Variants in DCST2 observed in about 807,000 individuals in gnomAD.
DCST2 encodes the protein DC-STAMP domain-containing protein 2.
DCST2 carries 64 observed loss-of-function variants against 81.8 expected under a neutral mutation model. The ratio of observed to expected loss-of-function variants is 0.78; its 90% CI spans 0.64 to 0.96. The LOEUF (loss-of-function observed/expected upper bound fraction) is 0.96. Ranked by LOEUF, DCST2 falls within the 40% of genes least tolerant of loss-of-function variation. DCST2 has a pLI of 0.00. For synonymous variants in DCST2, 354 were observed against 402.6 expected, an observed-to-expected ratio of 0.88 and a Z score of 1.44; for missense variants, 945 against 1,001.4, an observed-to-expected ratio of 0.94 and a Z score of 0.76.
In DCST2 at chr1:155,031,169, G is replaced by C; in HGVS notation, c.805C>G (p.Pro269Ala). 1.3e-6 allele frequency: 2 copies of C among 1,589,090 alleles called. No individual in the cohort carries two copies. The highest frequency in any genetic ancestry group is 1.7e-6 in the Non-Finnish European group (2 of 1,171,064). ...QPFLRQTIGT[P>A]VIQLLNRVRQ... is the part of the protein sequence containing the mutation. Reference sequence around the variant, plus strand: ...TATGTGGCAGGAGGGGGTCACTCACGGGTGCCGATGGTCTGGCGCAAGAAG... The same window carrying C: ...TATGTGGCAGGAGGGGGTCACTCACCGGTGCCGATGGTCTGGCGCAAGAAG... The change falls in exon 5 of 15, where the codon CCC (proline) becomes GCC (alanine). Residue 269 changes from proline to alanine, a missense_variant and splice_region_variant. Coordinates refer to ENST00000368424, the MANE Select transcript of DCST2 (RefSeq NM_144622.3).
At chr1:155,024,963 A>T (rs1390372035) in intron 10 of DCST2, among the ~76,000 whole-genome samples, 2 of 152,126 alleles carry the variant, frequency 1.3e-5, no homozygotes, top group Non-Finnish European at 2.9e-5. Flanking sequence ...AGCCTGACCA[A>T]CATGGAGAAA....
rs757330731 is a variant in DCST2, at chr1:155,033,723, G to T, written c.-22C>A. The T allele has an allele frequency of 1.2e-6, 2 of 1,605,904 alleles. No homozygotes were observed. Among genetic ancestry groups the T allele is most frequent in the South Asian group, 2.2e-5 (2 of 90,470 alleles). ...GCATGGCTGCTGAGACCAAATGTCTGCCTGTCTCCAGGAGATGCCCGCTGA... is the reference window on the plus strand; with the variant it reads ...GCATGGCTGCTGAGACCAAATGTCTTCCTGTCTCCAGGAGATGCCCGCTGA... On this transcript the variant is annotated 5_prime_UTR_variant, in exon 1 of 15. Transcript: ENST00000368424.
Position 155,026,603 on chromosome 1 carries a change from G to C in DCST2, c.1455C>G (p.Ser485=). 1 of 1,614,200 alleles carries C rather than the reference G, an allele frequency of 6.2e-7. No homozygotes were observed. Among genetic ancestry groups the C allele is most frequent in the Non-Finnish European group, 8.5e-7 (1 of 1,180,048 alleles). ...VLQQGNISIL[S]RRCLLRPSEP... ...CCGAGGGACGAAGGAGACAACGCCG[G>C]GACAAAATACTGATGTTGCCTTGCT... is the stretch of plus-strand genomic sequence containing the variant. The change falls in exon 9 of 15, where the codon TCC becomes TCG. Residue 485 remains serine (S), a synonymous_variant. Coordinates refer to ENST00000368424, the MANE Select transcript of DCST2 (RefSeq NM_144622.3).
chr1:155,026,284 C>T lies in DCST2; in HGVS notation c.1611+18G>A, dbSNP rs962525991. 3.1e-6 allele frequency: 5 copies of T among 1,612,998 alleles called. No individual in the cohort carries two copies. Among genetic ancestry groups the T allele is most frequent in the Admixed American group, 3.3e-5 (2 of 59,972 alleles). On this transcript the variant is annotated intron_variant, in intron 10 of 14. Coordinates refer to ENST00000368424, the MANE Select transcript of DCST2 (RefSeq NM_144622.3). ...TGGGGAGGGGGCAGGGACTAGCTCC[C>T]AGCCCCGGACCCCTCACCTGCTCCC... is the stretch of plus-strand genomic sequence containing the variant.
chr1:155,030,121 C>T lies in DCST2; in HGVS notation c.1140G>A (p.Pro380=), dbSNP rs768350916. 6.2e-6 allele frequency: 10 copies of T among 1,613,868 alleles called. No individual in the cohort carries two copies. Among genetic ancestry groups the T allele is most frequent in the South Asian group, 2.2e-5 (2 of 91,078 alleles). ...RSTAGLPTVL[P]LSAHEARRYI... The stretch of plus-strand genomic sequence containing the variant: ...AGCGCCTGGCCTCGTGAGCACTGAG[C>T]GGTAGCACTGTGGGCAGCCCTGCCG... Residue 380 remains proline (P), a synonymous_variant, in exon 7 of 15, where the codon CCG becomes CCA. Coordinates refer to ENST00000368424, the MANE Select transcript of DCST2 (RefSeq NM_144622.3).
intron 14 of DCST2, among the ~76,000 whole-genome samples, chr1:155,022,892 C>A (rs986858232): frequency 3.9e-5 from 6 of 152,172 alleles, no homozygotes; most frequent in Non-Finnish European, 8.8e-5. Flanking sequence ...TGCTGTCCAC[C>A]CTGTTATCTA....
At position 155,030,635 on chromosome 1, in the gene DCST2, C is replaced by T. The variant is rs375004161; in HGVS notation, c.816G>A (p.Gln272=). ...ACTCCTGACGCACCCGGTTGAGCAA[C>T]TGAATCACGGCTGGGGCCAGCAGGT... ...LRQTIGTPVI[Q]LLNRVRQEFE... is the part of the protein sequence containing the mutation. Residue 272 remains glutamine (Q), a synonymous_variant, in exon 6 of 15, where the codon CAG becomes CAA. Transcript: ENST00000368424. 3.6e-4 allele frequency: 577 copies of T among 1,613,918 alleles called. No individual in the cohort carries two copies. The highest frequency in any genetic ancestry group is 4.6e-4 in the Non-Finnish European group (545 of 1,180,008).
chr1:155,018,843 T>C, intron 14 of DCST2, 83 bp from the exon 15 acceptor site: 1 of 1,372,726 alleles, frequency 7.3e-7, no homozygotes, highest in Non-Finnish European at 1.0e-6. Context: ...CTGCCCCATC[T>C]GTTCAGATCC....
In DCST2 at chr1:155,018,535, A is replaced by G; in HGVS notation, c.*9T>C. 6.2e-7 allele frequency: 1 copy of G among 1,607,240 alleles called. No homozygotes were observed. Among genetic ancestry groups the G allele is most frequent in the Non-Finnish European group, 8.5e-7 (1 of 1,174,810 alleles). On this transcript the variant is annotated 3_prime_UTR_variant, in exon 15 of 15. Coordinates refer to ENST00000368424, the MANE Select transcript of DCST2 (RefSeq NM_144622.3). ...TAATTTAAGATTCACACTTGTGTCC[A>G]CTTTTGGTTTATTTGGGGGGTGGGT... is the stretch of plus-strand genomic sequence containing the variant.
intron 10 of DCST2, 29 bp downstream of exon 10, chr1:155,026,273 G>A (rs1330773417): frequency 1.9e-6 from 3 of 1,611,052 alleles, no homozygotes; most frequent in South Asian, 2.2e-5. Context: ...GAGGGGGCAG[G>A]GACTAGCTCC....
chr1:155,026,210 A>C, intron 10 of DCST2, 92 bp downstream of exon 10: 1 of 1,209,198 alleles, frequency 8.3e-7, no homozygotes, highest in Non-Finnish European at 1.2e-6. Context: ...GGGCTGCTGA[A>C]GGAAGTCAGC....
chr1:155,028,802 G>A (rs552767627), intron 8 of DCST2, among the ~76,000 whole-genome samples: 1 of 151,004 alleles, frequency 6.6e-6, no homozygotes, highest in Non-Finnish European at 1.5e-5. Flanking sequence ...AAACCTGGGA[G>A]GCGGAGGCAG....
Position 155,030,227 on chromosome 1 carries a change from C to T in DCST2, c.1034G>A (p.Arg345Gln), listed in dbSNP as rs775781123. The change falls in exon 7 of 15, where the codon CGG (arginine) becomes CAG (glutamine). Residue 345 changes from arginine to glutamine, a missense_variant. Physicochemically the swap from Arg to Gln is conservative, Grantham distance 43. Transcript: ENST00000368424. Reference sequence around the variant, plus strand: ...ATGGTCCCAGTTCAGGTAACAATACCGGTAAAATAGGGCTCTGGGAAGGGG... The same window carrying T: ...ATGGTCCCAGTTCAGGTAACAATACTGGTAAAATAGGGCTCTGGGAAGGGG... ...VLLYLQALFY[R>Q]YCYLNWDHYD... 4.5e-5 allele frequency: 72 copies of T among 1,613,982 alleles called. No individual in the cohort carries two copies. The highest frequency in any genetic ancestry group is 1.0e-4 in the Admixed American group (6 of 60,000).
intron 12 of DCST2, 72 bp downstream of exon 12, chr1:155,023,760 A>G: frequency 6.2e-7 from 1 of 1,604,240 alleles, no homozygotes; most frequent in South Asian, 1.1e-5. Flanking sequence ...TCAAGGAAGG[A>G]CCACAGTGGA....
chr1:155,031,532 C>CCCCCT, intron 4 of DCST2, 42 bp downstream of exon 4: 4 of 1,545,054 alleles, frequency 2.6e-6, no homozygotes, highest in Non-Finnish European at 3.6e-6. Flanking sequence ...CCACCCCACC[C>CCCCCT]CACATCGGCT....
intron 7 of DCST2, 33 bp from the exon 8 acceptor site, chr1:155,029,430 C>T (rs750915865): frequency 6.2e-7 from 1 of 1,602,764 alleles, no homozygotes; most frequent in African/African-American, 1.3e-5. Flanking sequence ...GGAGGATGCT[C>T]CCCAGTTCTC....
At position 155,023,455 on chromosome 1, in the gene DCST2, G is replaced by T; in HGVS notation, c.1873C>A (p.Leu625Ile). The change falls in exon 13 of 15, where the codon CTC (leucine) becomes ATC (isoleucine). Residue 625 changes from leucine to isoleucine, a missense_variant and splice_region_variant. Coordinates refer to ENST00000368424, the MANE Select transcript of DCST2 (RefSeq NM_144622.3). The stretch of plus-strand genomic sequence containing the variant: ...AGGCGGAAGCAAGTGAGGCAGTAGA[G>T]ACCTGGTGGAGGCCATGGGGAATGG... ...VSCSTPGCQG[L>I]YCLTCFRLLD... is the part of the protein sequence containing the mutation. The T allele has an allele frequency of 1.3e-6, 2 of 1,590,050 alleles. No individual in the cohort carries two copies. Among genetic ancestry groups the T allele is most frequent in the South Asian group, 2.3e-5 (2 of 87,640 alleles).
chr1:155,023,946 C>T lies in DCST2; in HGVS notation c.1756G>A (p.Gly586Ser). Reference sequence around the variant, plus strand: ...AGCCAAAAGTGGCTGACAAATGGACCTAGGCAGGGGCACCTGAGAAAAGGG... The same window carrying T: ...AGCCAAAAGTGGCTGACAAATGGACTTAGGCAGGGGCACCTGAGAAAAGGG... ...LVLASRCPCL[G>S]PFVSHFWLHQ... Residue 586 changes from glycine (G) to serine (S), a missense_variant, in exon 12 of 15, where the codon GGT becomes AGT. Transcript: ENST00000368424. 1 of 1,613,078 alleles carries T rather than the reference C, an allele frequency of 6.2e-7. No individual in the cohort carries two copies. Among genetic ancestry groups the T allele is most frequent in the Non-Finnish European group, 8.5e-7 (1 of 1,179,826 alleles).
At chr1:155,019,958 C>G (rs564721554) in intron 14 of DCST2, among the ~76,000 whole-genome samples, 1 of 152,346 alleles carries the variant, frequency 6.6e-6, no homozygotes, top group Admixed American at 6.5e-5. Flanking sequence ...GCTGCCTGCT[C>G]TGCTCTCTCA....
Sources: gnomAD v4.1 joint callset for allele counts (sites outside exome capture counted in the v4.1 genomes callset) on GRCh38, gnomAD v4.1.1 for gene constraint, MANE v1.5 for transcripts, NCBI Gene and HGNC (gene_info 2026-07-23, HGNC 2026-07-21) for gene names.